The following ERMARD variants were observed in gnomAD, a reference collection of about 807,000 sequenced individuals.
ERMARD encodes ER membrane associated RNA degradation, also known as endoplasmic reticulum membrane-associated RNA degradation protein.
ERMARD carries 71 observed loss-of-function variants against 83.9 expected under a neutral mutation model. That is an observed-to-expected ratio of 0.85 (90% confidence interval 0.70 to 1.03). The LOEUF (loss-of-function observed/expected upper bound fraction) is 1.03, where lower values mean the gene tolerates loss of function less well. ERMARD is among the 50% of genes least tolerant of loss of function. The pLI is 0.00. For synonymous variants in ERMARD, 284 were observed against 298.6 expected, an observed-to-expected ratio of 0.95 and a Z score of 0.50; for missense variants, 838 against 810.9, an observed-to-expected ratio of 1.03 and a Z score of -0.41.
chr6:169,751,921 C>T (rs1030242324), intron 1 of ERMARD: 1 of 508,588 alleles, frequency 2.0e-6, no homozygotes, highest in Non-Finnish European at 3.3e-6. Flanking sequence ...TGGCCCTGAG[C>T]TGGAACGCGG....
At chr6:169,766,583 A>T in intron 9 of ERMARD, 55 bp from the exon 10 acceptor site, 1 of 1,444,594 alleles carries the variant, frequency 6.9e-7, no homozygotes, top group Non-Finnish European at 9.4e-7. Context: ...GCATAGTGTT[A>T]GTGTATTTGT....
At chr6:169,755,595 T>C in intron 3 of ERMARD, 173 bp downstream of exon 3, 1 of 679,108 alleles carries the variant, frequency 1.5e-6, no homozygotes, top group Non-Finnish European at 2.4e-6. Flanking sequence ...AAGCCTGAGC[T>C]GAGAAACATG....
chr6:169,768,097 T>C lies in ERMARD; in HGVS notation c.991-6T>C. The C allele has an allele frequency of 6.2e-7, 1 of 1,612,762 alleles. No homozygotes were observed. The highest frequency in any genetic ancestry group is 8.5e-7 in the Non-Finnish European group (1 of 1,178,754). On this transcript the variant is annotated splice_polypyrimidine_tract_variant and splice_region_variant and intron_variant, in intron 10 of 17. Transcript: ENST00000366773. The stretch of plus-strand genomic sequence containing the variant: ...TTAACCAATGTATTTATTTTTGATG[T>C]TTTAGATATTGGCAAAACACTTGAA...
Position 169,781,329 on chromosome 6 carries a change from G to A in ERMARD, c.1854-1G>A, listed in dbSNP as rs1585437224. The A allele has an allele frequency of 6.3e-7, 1 of 1,591,962 alleles. No individual in the cohort carries two copies. ...TAAAGAAATTAATTTTTTTTTTACAGGTTTGTAAAGTCGATCTTGCAGTAC... is the reference window on the plus strand; with the variant it reads ...TAAAGAAATTAATTTTTTTTTTACAAGTTTGTAAAGTCGATCTTGCAGTAC... On this transcript the variant is annotated splice_acceptor_variant, in intron 17 of 17. Coordinates refer to ENST00000366773, the MANE Select transcript of ERMARD (RefSeq NM_018341.3). LOFTEE classifies it high-confidence loss of function.
intron 17 of ERMARD, among the ~76,000 whole-genome samples, chr6:169,780,718 G>A (rs1378452816): frequency 6.6e-6 from 1 of 152,216 alleles, no homozygotes; most frequent in Non-Finnish European, 1.5e-5. Context: ...CTTGAACGAT[G>A]CAGGTTTGCA....
chr6:169,780,203 C>T (rs1304504177), intron 17 of ERMARD, among the ~76,000 whole-genome samples: 3 of 152,152 alleles, frequency 2.0e-5, no homozygotes, highest in East Asian at 1.9e-4. Flanking sequence ...TGGGCTGGTG[C>T]AAGACTGCCC....
At chr6:169,775,379 A>G (rs773084585) in intron 14 of ERMARD, 33 bp downstream of exon 14, 3 of 1,607,402 alleles carry the variant, frequency 1.9e-6, no homozygotes, top group Non-Finnish European at 2.6e-6. Flanking sequence ...GCTGACCTCA[A>G]GCTTGTCTGG....
At chr6:169,760,248 C>A (rs1791370794) in intron 7 of ERMARD, among the ~76,000 whole-genome samples, 1 of 152,184 alleles carries the variant, frequency 6.6e-6, no homozygotes, top group Non-Finnish European at 1.5e-5. Context: ...GCAACAGTGG[C>A]CTCAGGCTGT....
intron 8 of ERMARD, among the ~76,000 whole-genome samples, chr6:169,762,048 C>T (rs907815403): frequency 6.6e-6 from 1 of 152,022 alleles, no homozygotes; most frequent in Non-Finnish European, 1.5e-5. Flanking sequence ...ATCTAGACTG[C>T]AGCAGTTATT....
chr6:169,752,443 CAG>C (rs1251516693), intron 1 of ERMARD, among the ~76,000 whole-genome samples: 1 of 152,182 alleles, frequency 6.6e-6, no homozygotes, highest in East Asian at 1.9e-4. Context: ...GTGTAGTCTG[CAG>C]AGTTCCAGCC....
At chr6:169,780,098 TA>T (rs1430457945) in intron 17 of ERMARD, among the ~76,000 whole-genome samples, 3 of 146,802 alleles carry the variant, frequency 2.0e-5, no homozygotes, top group Admixed American at 2.0e-4. Flanking sequence ...GAAAGATGCA[TA>T]GACTCCTGCT....
upstream of ERMARD, chr6:169,751,550 C>G (rs1790078332): frequency 6.2e-7 from 1 of 1,610,740 alleles, no homozygotes; most frequent in Non-Finnish European, 8.5e-7. Flanking sequence ...AGTCTCCCAC[C>G]TGCGCCTCGT....
chr6:169,774,068 T>G lies in ERMARD; in HGVS notation c.1317+666T>G, dbSNP rs542255870. Among the ~76,000 whole-genome samples the G allele has an allele frequency of 1.2e-4, 18 of 152,272 alleles. No individual in the cohort carries two copies. In the South Asian group the frequency reaches 1.2e-3, roughly 11 times the overall value. On this transcript the variant is annotated intron_variant, in intron 13 of 17. Transcript: ENST00000366773. ...CGGTGCCTAGAGGCTGGGCGCAGTG[T>G]CTCACGCCTGTAATCCCAGCACTTT...
chr6:169,767,755 C>CGACACA (rs1554236978), intron 10 of ERMARD: 1 of 202,308 alleles, frequency 4.9e-6, no homozygotes, highest in East Asian at 1.3e-4. Context: ...GGCACATACA[C>CGACACA]TACACACACA....
chr6:169,776,269 A>C, intron 15 of ERMARD, 186 bp from the exon 16 acceptor site: 1 of 1,548,970 alleles, frequency 6.5e-7, no homozygotes, highest in Admixed American at 2.0e-5. Flanking sequence ...TGAATGCCAC[A>C]TTCTGTTTGC....
intron 13 of ERMARD, among the ~76,000 whole-genome samples, chr6:169,774,218 T>A (rs1793316989): frequency 6.6e-6 from 1 of 152,052 alleles, no homozygotes; most frequent in Non-Finnish European, 1.5e-5. Flanking sequence ...CCTTGAGAAG[T>A]CTGAGGCCTC....
intron 13 of ERMARD, among the ~76,000 whole-genome samples, chr6:169,774,327 G>A (rs549579665): frequency 1.2e-4 from 18 of 152,326 alleles, no homozygotes; most frequent in Middle Eastern, 6.8e-3. Flanking sequence ...GCAGAGCATC[G>A]GGCTGTGCTG....
intron 9 of ERMARD, 134 bp downstream of exon 9, chr6:169,762,665 G>C: frequency 1.5e-6 from 1 of 659,372 alleles, no homozygotes; most frequent in South Asian, 2.0e-5. Flanking sequence ...ACTGTGGAAG[G>C]CCTATCATTT....
rs147859509 is a variant in ERMARD, at chr6:169,761,071, A to G, written c.857+315A>G. Among the ~76,000 whole-genome samples, 1,427 of 152,288 alleles carry G rather than the reference A, an allele frequency of 9.4e-3. 17 individuals are homozygous for G. The highest frequency in any genetic ancestry group is 0.032 in the African/African-American group (1,329 of 41,570). Reference sequence around the variant, plus strand: ...ATAGATAAGCCAGCTTCGTCCTTACATTCTGTTTCTGTTTCCTGAGGAGCA... The same window carrying G: ...ATAGATAAGCCAGCTTCGTCCTTACGTTCTGTTTCTGTTTCCTGAGGAGCA... On this transcript the variant is annotated intron_variant, in intron 8 of 17. Coordinates refer to ENST00000366773, the MANE Select transcript of ERMARD (RefSeq NM_018341.3).
Sources: gnomAD v4.1 joint callset for allele counts (sites outside exome capture counted in the v4.1 genomes callset) on GRCh38, gnomAD v4.1.1 for gene constraint, MANE v1.5 for transcripts, NCBI Gene and HGNC (gene_info 2026-07-23, HGNC 2026-07-21) for gene names.